Variants in F2 observed in about 807,000 individuals in gnomAD.
The protein encoded by F2 is coagulation factor II, thrombin, also known as prothrombin.
F2 carries 34 observed loss-of-function variants against 81.9 expected under a neutral mutation model. The ratio of observed to expected loss-of-function variants is 0.42; its 90% CI spans 0.32 to 0.55. F2 has a LOEUF of 0.55. F2 is among the 20% of genes least tolerant of loss of function. F2 has a pLI of 0.18. For missense variants in F2, 630 were observed against 833.4 expected (o/e 0.76, Z 3.00); for synonymous variants, 296 against 326.4 (o/e 0.91, Z 1.01).
At position 46,719,374 on chromosome 11, in the gene F2, G is replaced by A. The variant is rs763600313; in HGVS notation, c.79+60G>A. The A allele has an allele frequency of 6.4e-7, 1 of 1,552,438 alleles. No individual in the cohort carries two copies. The highest frequency in any genetic ancestry group is 8.8e-7 in the Non-Finnish European group (1 of 1,140,870). On this transcript the variant is annotated intron_variant, in intron 1 of 13. Coordinates refer to ENST00000311907, the MANE Select transcript of F2 (RefSeq NM_000506.5). This position sits in a 1 kb window ranked among gnomAD's most constrained non-coding sequence, Gnocchi z 4.7. ...GGACTGGGGTGTGGGCCCATGGGCT[G>A]GGGTCTCCTGGCTGGACAGAGCACA...
chr11:46,730,753 A>T (rs1207591669), intron 12 of F2, among the ~76,000 whole-genome samples: 1 of 147,794 alleles, frequency 6.8e-6, no homozygotes, highest in Non-Finnish European at 1.5e-5. Context: ...TGTCATCCAG[A>T]TTGTCCTCCA....
rs1486040641 is a variant in F2 at position 46,720,566 on chromosome 11, T to C, written c.265+19T>C. 1 of 1,613,870 alleles carries C rather than the reference T, an allele frequency of 6.2e-7. No homozygotes were observed. The highest frequency in any genetic ancestry group is 1.3e-5 in the African/African-American group (1 of 74,860). On this transcript the variant is annotated intron_variant, in intron 3 of 13. Coordinates refer to ENST00000311907, the MANE Select transcript of F2 (RefSeq NM_000506.5). ...TACACAGGTGAGCACCGGGAAGGAT[T>C]TGCCCCAGGAAGGGAGGCCTGGGGA...
intron 12 of F2, among the ~76,000 whole-genome samples, chr11:46,731,696 G>A (rs1044549341): frequency 5.3e-5 from 8 of 151,928 alleles, no homozygotes; most frequent in African/African-American, 7.3e-5. Context: ...CCCTGAATCC[G>A]GGTTTGTCTA....
Position 46,726,523 on chromosome 11 carries a change from AG to A in F2, c.901del (p.Asp301MetfsTer79). 1.2e-6 allele frequency: 2 copies of A among 1,613,986 alleles called. No individual in the cohort carries two copies. The highest frequency in any genetic ancestry group is 1.7e-6 in the Non-Finnish European group (2 of 1,179,888). On this transcript the variant is annotated frameshift_variant, in exon 8 of 14. Coordinates refer to ENST00000311907, the MANE Select transcript of F2 (RefSeq NM_000506.5). LOFTEE classifies it high-confidence loss of function. This position sits in a 1 kb window ranked among gnomAD's most constrained non-coding sequence, Gnocchi z 5.9. ...CEEAVEEETG[D>X]GLDEDSDRAI... is the part of the protein sequence containing the mutation. Reference sequence around the variant, plus strand: ...AGGAGGCCGTGGAGGAGGAGACAGGAGATGGGCTGGATGAGGACTCAGACAG... The same window carrying A: ...AGGAGGCCGTGGAGGAGGAGACAGGAATGGGCTGGATGAGGACTCAGACAG...
rs116264656 is a variant in F2 at position 46,722,313 on chromosome 11, C to A, written c.317-867C>A. Among the ~76,000 whole-genome samples the A allele has an allele frequency of 8.8e-3, 1,335 of 152,206 alleles. 9 individuals are homozygous for A. The highest frequency in any genetic ancestry group is 0.031 in the African/African-American group (1,281 of 41,516). On this transcript the variant is annotated intron_variant, in intron 4 of 13. Coordinates refer to ENST00000311907, the MANE Select transcript of F2 (RefSeq NM_000506.5). ...TACAAAATATTAAAATGATTGCGGC[C>A]GGGTGTGGTGGCTCAAGCCTGTAAT...
intron 12 of F2, among the ~76,000 whole-genome samples, chr11:46,733,284 A>G (rs1232364993): frequency 4.6e-5 from 7 of 152,134 alleles, no homozygotes; most frequent in African/African-American, 1.4e-4. Context: ...GCCCACTGCA[A>G]CCTCTGCCTC....
Position 46,725,938 on chromosome 11 carries a change from T to C in F2, c.639T>C (p.Cys213=). The part of the protein sequence containing the change: ...SVNLSPPLEQ[C]VPDRGQQYQG... ...ATCTGTCACCTCCATTGGAGCAGTG[T>C]GTCCCTGATCGGGGGCAGCAGTACC... Residue 213 remains cysteine, a synonymous_variant, in exon 7 of 14, where the codon TGT becomes TGC. Transcript: ENST00000311907. 2 of 1,613,928 alleles carry C rather than the reference T, an allele frequency of 1.2e-6. No individual in the cohort carries two copies.
chr11:46,728,078 G>A lies in F2; in HGVS notation c.1213G>A (p.Ala405Thr), dbSNP rs961354543. The A allele has an allele frequency of 4.3e-6, 7 of 1,610,322 alleles. No individual in the cohort carries two copies. The highest frequency in any genetic ancestry group is 1.7e-5 in the Admixed American group (1 of 59,568). ...CAGTGACCGCTGGGTCCTCACCGCC[G>A]CCCACTGCCTCCTGTACCCGCCCTG... Reference protein sequence around the residue: ...LISDRWVLTAAHCLLYPPWDK... With the variant: ...LISDRWVLTATHCLLYPPWDK... The change falls in exon 10 of 14, where the codon GCC becomes ACC. Residue 405 changes from alanine (A) to threonine (T), a missense_variant. Coordinates refer to ENST00000311907, the MANE Select transcript of F2 (RefSeq NM_000506.5). The surrounding 1 kb of genome is among the most constrained non-coding windows in gnomAD (Gnocchi z 5.1).
Position 46,728,175 on chromosome 11 carries a change from G to A in F2, c.1298+12G>A, listed in dbSNP as rs1167161171. The A allele has an allele frequency of 2.5e-6, 4 of 1,603,686 alleles. No homozygotes were observed. The highest frequency in any genetic ancestry group is 1.7e-5 in the Admixed American group (1 of 58,532). ...CACTCCCGCACCAGGTACAGAACTG[G>A]TGGCCCGTGGGTGTCTGGCAGGGGT... On this transcript the variant is annotated intron_variant, in intron 10 of 13. Transcript: ENST00000311907. The surrounding 1 kb of genome is among the most constrained non-coding windows in gnomAD (Gnocchi z 5.1).
chr11:46,737,439 G>GT (rs1163587975), intron 12 of F2, among the ~76,000 whole-genome samples: 1 of 110,444 alleles, frequency 9.1e-6, no homozygotes, highest in Non-Finnish European at 1.8e-5. Flanking sequence ...ACCGTGCCTG[G>GT]CCTTTTTTTT....
Position 46,728,978 on chromosome 11 carries a change from C to G in F2, c.1472+141C>G. The G allele has an allele frequency of 2.8e-6, 2 of 723,138 alleles. No individual in the cohort carries two copies. Among genetic ancestry groups the G allele is most frequent in the Non-Finnish European group, 4.5e-6 (2 of 443,120 alleles). 44.8% of individuals were successfully genotyped at this position (723,138 alleles called of 1,614,324 possible). On this transcript the variant is annotated intron_variant, in intron 11 of 13. Transcript: ENST00000311907. This position sits in a 1 kb window ranked among gnomAD's most constrained non-coding sequence, Gnocchi z 5.1. ...GTGAACCCAAAAGTTCTTTTCAGTA[C>G]TGGCGTTTTATTTTTTATTTATATT... is the stretch of plus-strand genomic sequence containing the variant.
Position 46,723,593 on chromosome 11 carries a change from A to G in F2, c.559+75A>G. On this transcript the variant is annotated intron_variant, in intron 6 of 13. Transcript: ENST00000311907. This position sits in a 1 kb window ranked among gnomAD's most constrained non-coding sequence, Gnocchi z 5.6. ...TGGGGCCTGGCAGCCTGGGATGGGA[A>G]CCAAGAATACTGGCTACCCAGGCAC... 1 of 1,524,248 alleles carries G rather than the reference A, an allele frequency of 6.6e-7. No individual in the cohort carries two copies. Among genetic ancestry groups the G allele is most frequent in the Admixed American group, 2.0e-5 (1 of 50,792 alleles). The allele number at this position is 1,524,248 out of a possible 1,614,324, so 94.4% of individuals were successfully genotyped here.
chr11:46,728,232 T>C lies in F2; in HGVS notation c.1298+69T>C. The C allele has an allele frequency of 6.6e-7, 1 of 1,505,034 alleles. No individual in the cohort carries two copies. The highest frequency in any genetic ancestry group is 9.1e-7 in the Non-Finnish European group (1 of 1,099,888). 93.2% of individuals were successfully genotyped at this position (1,505,034 alleles called of 1,614,324 possible). A position where few individuals can be genotyped will look rare whatever the true frequency, so the allele number is the denominator to read the frequency against. On this transcript the variant is annotated intron_variant, in intron 10 of 13. Transcript: ENST00000311907. This position sits in a 1 kb window ranked among gnomAD's most constrained non-coding sequence, Gnocchi z 5.1. ...CCTCCAAAGCGATCATGAGGGGCCC[T>C]GGTGGCTCCGGGACACATAGGATGT...
In F2 at chr11:46,726,140, G is replaced by A. The variant is rs894109279; in HGVS notation, c.841G>A (p.Gly281Ser). The A allele has an allele frequency of 1.2e-6, 2 of 1,614,084 alleles. No individual in the cohort carries two copies. The highest frequency in any genetic ancestry group is 4.5e-5 in the East Asian group (2 of 44,884). The part of the protein sequence containing the change: ...GVWCYVAGKP[G>S]DFGYCDLNYC... ...GTGGTGCTATGTGGCCGGGAAGCCTGGCGACTTTGGGTACTGCGACCTCAA... is the reference window on the plus strand; with the variant it reads ...GTGGTGCTATGTGGCCGGGAAGCCTAGCGACTTTGGGTACTGCGACCTCAA... Residue 281 changes from glycine (G) to serine (S), a missense_variant, in exon 7 of 14, where the codon GGC becomes AGC. Physicochemically the swap from Gly to Ser is moderately conservative, Grantham distance 56. Transcript: ENST00000311907. This position sits in a 1 kb window ranked among gnomAD's most constrained non-coding sequence, Gnocchi z 5.9.
At chr11:46,732,039 C>G (rs924671582) in intron 12 of F2, among the ~76,000 whole-genome samples, 3 of 151,644 alleles carry the variant, frequency 2.0e-5, no homozygotes, top group Admixed American at 2.0e-4. Flanking sequence ...CCTCAGCCTC[C>G]CAAGTAGCAG....
chr11:46,725,939 G>A lies in F2; in HGVS notation c.640G>A (p.Val214Ile), dbSNP rs775856487. 6.2e-7 allele frequency: 1 copy of A among 1,613,924 alleles called. No homozygotes were observed. The highest frequency in any genetic ancestry group is 8.5e-7 in the Non-Finnish European group (1 of 1,180,018). ...VNLSPPLEQC[V>I]PDRGQQYQGR... ...TCTGTCACCTCCATTGGAGCAGTGT[G>A]TCCCTGATCGGGGGCAGCAGTACCA... Residue 214 changes from valine to isoleucine, a missense_variant, in exon 7 of 14, where the codon GTC (valine) becomes ATC (isoleucine). Coordinates refer to ENST00000311907, the MANE Select transcript of F2 (RefSeq NM_000506.5).
At chr11:46,735,698 G>A (rs190548827) in intron 12 of F2, among the ~76,000 whole-genome samples, 7 of 151,794 alleles carry the variant, frequency 4.6e-5, no homozygotes, top group Admixed American at 1.3e-4. Flanking sequence ...CGAGGCGAGC[G>A]GATCACCTGA....
chr11:46,726,014 A>G lies in F2; in HGVS notation c.715A>G (p.Ser239Gly), dbSNP rs533673060. The G allele has an allele frequency of 1.1e-5, 17 of 1,614,010 alleles. No homozygotes were observed. The East Asian group carries it at 3.6e-4, about 34-fold the overall frequency. ...TGGGCTCCCCTGCCTGGCCTGGGCC[A>G]GCGCACAGGCCAAGGCCCTGAGCAA... ...THGLPCLAWASAQAKALSKHQ... is the reference protein window; with the variant it reads ...THGLPCLAWAGAQAKALSKHQ... The change falls in exon 7 of 14, where the codon AGC becomes GGC. Residue 239 changes from serine (S) to glycine (G), a missense_variant. Coordinates refer to ENST00000311907, the MANE Select transcript of F2 (RefSeq NM_000506.5). The surrounding 1 kb of genome is among the most constrained non-coding windows in gnomAD (Gnocchi z 5.9).
At chr11:46,738,104 A>C (rs150832605) in intron 12 of F2, among the ~76,000 whole-genome samples, 2 of 152,194 alleles carry the variant, frequency 1.3e-5, no homozygotes, top group African/African-American at 4.8e-5. Context: ...CCCAGGTTCA[A>C]GCAATTCTAC....
Sources: allele counts gnomAD v4.1 joint callset (sites outside exome capture counted in the v4.1 genomes callset), GRCh38; gene constraint gnomAD v4.1.1; non-coding constraint Gnocchi (gnomAD v3.1); transcripts MANE v1.5; gene names NCBI Gene and HGNC (gene_info 2026-07-23, HGNC 2026-07-21).